EXT1: variants seen among roughly 807,000 people sequenced by gnomAD.
The protein encoded by EXT1 is exostosin glycosyltransferase 1.
Under a neutral mutation model 82.5 loss-of-function variants are expected in EXT1, and 20 were observed. That is an observed-to-expected ratio of 0.24 (90% CI 0.17 to 0.35). The LOEUF is 0.35. EXT1 is among the 10% of genes least tolerant of loss of function. The probability of loss-of-function intolerance (pLI) is 1.00; values close to 1 mark genes in which losing one functional copy is unlikely to be tolerated. For synonymous variants in EXT1, 348 were observed against 350.8 expected (o/e 0.99, Z 0.09); for missense variants, 757 against 936.5 (o/e 0.81, Z 2.50).
chr8:117,921,233 G>A (rs566540138), intron 1 of EXT1, among the ~76,000 whole-genome samples: 3 of 152,198 alleles, frequency 2.0e-5, no homozygotes, highest in South Asian at 4.2e-4. Context: ...AAGAGGCCCC[G>A]CTACTTCCAT....
intron 2 of EXT1, 38 bp from the exon 3 acceptor site, chr8:117,835,589 C>T (rs372856545): frequency 1.0e-5 from 15 of 1,462,314 alleles, no homozygotes; most frequent in Middle Eastern, 3.5e-4. Flanking sequence ...GTGAGGAAAG[C>T]GACAGCAGAA....
chr8:117,954,162 T>C (rs1814544649), intron 1 of EXT1, among the ~76,000 whole-genome samples: 1 of 152,194 alleles, frequency 6.6e-6, no homozygotes, highest in South Asian at 2.1e-4. Context: ...GGCTGTTTGC[T>C]TGACCCGCGA....
At chr8:117,902,697 G>C (rs1185182871) in intron 1 of EXT1, among the ~76,000 whole-genome samples, 1 of 152,218 alleles carries the variant, frequency 6.6e-6, no homozygotes, top group African/African-American at 2.4e-5. Flanking sequence ...CCTGTGCAAA[G>C]AGGAAAGAGG....
At chr8:117,839,719 C>A (rs1812244414) in intron 1 of EXT1, among the ~76,000 whole-genome samples, 1 of 152,220 alleles carries the variant, frequency 6.6e-6, no homozygotes, top group Non-Finnish European at 1.5e-5. Flanking sequence ...TGACCACGTG[C>A]TTGATCCTCT....
rs58483079 is a variant in EXT1, at chr8:117,919,508, T to TTA, written c.963-82308_963-82307insTA. 4.8e-3 allele frequency among the ~76,000 whole-genome samples: 701 copies of TTA among 145,054 alleles called. 3 individuals carry two copies. Among genetic ancestry groups the TTA allele is most frequent in the Middle Eastern group, 0.014 (4 of 284 alleles). On this transcript the variant is annotated intron_variant, in intron 1 of 10. Transcript: ENST00000378204. Reference sequence around the variant, plus strand: ...CTTGGCCAACATCTGAGTTAAAACTTTTTTTTTTTTTTTTGAGACAAGGTT... The same window carrying TTA: ...CTTGGCCAACATCTGAGTTAAAACTTTATTTTTTTTTTTTTTGAGACAAGGTT...
intron 1 of EXT1, among the ~76,000 whole-genome samples, chr8:117,917,416 G>T (rs1813773080): frequency 2.0e-5 from 3 of 152,144 alleles, no homozygotes; most frequent in Admixed American, 2.0e-4. Context: ...AGTGAGCTGA[G>T]ATTGTGCCAC....
rs577734289 is a variant in EXT1 at position 118,083,635 on chromosome 8, C to T, written c.962+26450G>A. 1.1e-4 allele frequency among the ~76,000 whole-genome samples: 16 copies of T among 152,260 alleles called. No individual in the cohort carries two copies. In the South Asian group the frequency reaches 3.3e-3, roughly 32 times the overall value. On this transcript the variant is annotated intron_variant, in intron 1 of 10. Transcript: ENST00000378204. ...CACCCTTTCTGGTGTTCTTACTGCC[C>T]AGCACAGTCCCCAGGACATAGTAAG...
At chr8:117,939,683 G>C (rs1257224834) in intron 1 of EXT1, among the ~76,000 whole-genome samples, 1 of 151,988 alleles carries the variant, frequency 6.6e-6, no homozygotes, top group Non-Finnish European at 1.5e-5. Flanking sequence ...TTGACTTCAA[G>C]GCCCTCTAAC....
intron 1 of EXT1, among the ~76,000 whole-genome samples, chr8:117,956,234 G>A (rs1400912802): frequency 6.6e-6 from 1 of 151,020 alleles, no homozygotes. Flanking sequence ...CCCTTGGCAC[G>A]GGCCTGGCTC....
chr8:117,973,875 G>GGAAAA (rs1815004818), intron 1 of EXT1, among the ~76,000 whole-genome samples: 1 of 93,396 alleles, frequency 1.1e-5, no homozygotes, highest in South Asian at 3.9e-4. Flanking sequence ...GGAAAGGAAA[G>GGAAAA]GAAAGGAAAG....
At chr8:118,028,276 G>A (rs944323568) in intron 1 of EXT1, among the ~76,000 whole-genome samples, 46 of 152,372 alleles carry the variant, frequency 3.0e-4, no homozygotes, top group African/African-American at 1.0e-3. Context: ...GGGCAAGGAC[G>A]CATCTGGCCT....
chr8:117,977,025 A>T (rs1815078492), intron 1 of EXT1, among the ~76,000 whole-genome samples: 1 of 152,180 alleles, frequency 6.6e-6, no homozygotes, highest in Non-Finnish European at 1.5e-5. Context: ...TCATTCAGGG[A>T]ATCAGTTACT....
In EXT1 at chr8:118,079,321, T is replaced by C. The variant is rs532888572; in HGVS notation, c.962+30764A>G. On this transcript the variant is annotated intron_variant, in intron 1 of 10. Transcript: ENST00000378204. ...TTCACCATGTCCACAAGTTGGAGGC[T>C]AATTTCCCTCTGTGCATGAAGAGTA... is the stretch of plus-strand genomic sequence containing the variant. 3.3e-5 allele frequency among the ~76,000 whole-genome samples: 5 copies of C among 152,372 alleles called. No homozygotes were observed. The East Asian group carries it at 5.8e-4, about 18-fold the overall frequency.
At chr8:117,979,912 T>C (rs1815150999) in intron 1 of EXT1, among the ~76,000 whole-genome samples, 1 of 152,198 alleles carries the variant, frequency 6.6e-6, no homozygotes, top group Admixed American at 6.5e-5. Flanking sequence ...GCTCCCCCAA[T>C]ATTTCTCCCA....
intron 1 of EXT1, among the ~76,000 whole-genome samples, chr8:117,965,837 A>T (rs996964310): frequency 6.6e-6 from 1 of 152,216 alleles, no homozygotes; most frequent in African/African-American, 2.4e-5. Flanking sequence ...CTATTCACGT[A>T]GATAATTCTG....
intron 1 of EXT1, among the ~76,000 whole-genome samples, chr8:117,867,257 T>G (rs1470506300): frequency 3.8e-5 from 1 of 26,250 alleles, no homozygotes; most frequent in Non-Finnish European, 8.6e-5. Context: ...AGACTCCACC[T>G]CAGAAAAAAA....
intron 1 of EXT1, among the ~76,000 whole-genome samples, chr8:117,955,444 A>G (rs117088668): frequency 0.014 from 2,075 of 152,340 alleles, 20 homozygotes; most frequent in Non-Finnish European, 0.021. Context: ...TCATTAGAAC[A>G]AAAGGTTTAT....
At chr8:117,803,350 T>C (rs559949256) in intron 10 of EXT1, among the ~76,000 whole-genome samples, 41 of 151,990 alleles carry the variant, frequency 2.7e-4, no homozygotes, top group Middle Eastern at 6.8e-3. Flanking sequence ...CGTGCACCAC[T>C]ATGACCAGCT....
intron 1 of EXT1, among the ~76,000 whole-genome samples, chr8:117,978,748 A>C (rs188674596): frequency 6.2e-4 from 95 of 152,340 alleles, no homozygotes; most frequent in Non-Finnish European, 1.3e-3. Context: ...AGACTCCACA[A>C]AGGCTAGCTT....
Sources: gnomAD v4.1 joint callset for allele counts (sites outside exome capture counted in the v4.1 genomes callset) on GRCh38, gnomAD v4.1.1 for gene constraint, MANE v1.5 for transcripts, NCBI Gene and HGNC (gene_info 2026-07-23, HGNC 2026-07-21) for gene names.